The following CLECL1 variants were observed in gnomAD, a reference collection of about 807,000 sequenced individuals.
CLECL1 encodes the protein C-type lectin like 1, also known as C-type lectin-like domain family 1.
intron 1 of CLECL1, among the ~76,000 whole-genome samples, chr12:9,730,835 A>G (rs970398789): frequency 1.3e-5 from 2 of 152,054 alleles, no homozygotes; most frequent in Non-Finnish European, 2.9e-5. Context: ...GAATACAGGC[A>G]CGTGTCACCA....
downstream of CLECL1, among the ~76,000 whole-genome samples, chr12:9,715,130 T>A (rs1866225145): frequency 6.6e-6 from 1 of 152,190 alleles, no homozygotes; most frequent in African/African-American, 2.4e-5. Context: ...TTTTTTATCT[T>A]CTTTCTAAGT....
intron 2 of CLECL1, among the ~76,000 whole-genome samples, chr12:9,729,507 C>T (rs773514389): frequency 6.6e-6 from 1 of 152,048 alleles, no homozygotes; most frequent in African/African-American, 2.4e-5. Flanking sequence ...TGTTTAGGAA[C>T]CATTTAAATA....
chr12:9,722,932 A>T, intron 3 of CLECL1, 119 bp from the exon 2 acceptor site: 1 of 661,116 alleles, frequency 1.5e-6, no homozygotes, highest in Non-Finnish European at 2.4e-6. Flanking sequence ...TGAAAAAAGT[A>T]TGTGCTTTGT....
downstream of CLECL1, chr12:9,722,510 C>T: frequency 7.4e-7 from 1 of 1,350,106 alleles, no homozygotes; most frequent in Non-Finnish European, 9.5e-7. Context: ...TTCAACAATT[C>T]ATTCAACTAA....
the CLECL1 span, among the ~76,000 whole-genome samples, chr12:9,708,044 C>T: frequency 6.6e-6 from 1 of 152,174 alleles, no homozygotes; most frequent in African/African-American, 2.4e-5. Flanking sequence ...CCTGGGTGTG[C>T]CCACAGCAGG....
intron 3 of CLECL1, among the ~76,000 whole-genome samples, chr12:9,725,907 T>G (rs1591718521): frequency 6.6e-6 from 1 of 152,154 alleles, no homozygotes; most frequent in Non-Finnish European, 1.5e-5. Flanking sequence ...GCTGAGATTC[T>G]AAGAATAAGC....
intron 2 of CLECL1, among the ~76,000 whole-genome samples, chr12:9,727,815 A>G (rs1465247600): frequency 6.6e-6 from 1 of 151,838 alleles, no homozygotes; most frequent in East Asian, 1.9e-4. Flanking sequence ...AGAGAAAAAC[A>G]TAACTACTCT....
At chr12:9,712,947 G>A (rs1458550199), downstream of CLECL1, among the ~76,000 whole-genome samples, 5 of 152,128 alleles carry the variant, frequency 3.3e-5, no homozygotes, top group African/African-American at 7.2e-5. Flanking sequence ...AGGATGAGCC[G>A]CAGACAAAAC....
At chr12:9,722,892 A>G in intron 3 of CLECL1, 79 bp from the exon 2 acceptor site, 1 of 1,040,148 alleles carries the variant, frequency 9.6e-7, no homozygotes, top group Non-Finnish European at 1.4e-6. Flanking sequence ...AGGGTCTCAA[A>G]TTTGGTTATA....
At chr12:9,709,941 C>T in the CLECL1 span, among the ~76,000 whole-genome samples, 7 of 152,120 alleles carry the variant, frequency 4.6e-5, no homozygotes, top group Admixed American at 2.6e-4. Context: ...AGAGGAAATA[C>T]GCAAAAGAGC....
At chr12:9,733,460 A>G (rs1866479694), upstream of CLECL1, among the ~76,000 whole-genome samples, 1 of 152,206 alleles carries the variant, frequency 6.6e-6, no homozygotes, top group Non-Finnish European at 1.5e-5. Context: ...GGGAAACAGA[A>G]CAAGAAAAAG....
the CLECL1 span, among the ~76,000 whole-genome samples, chr12:9,707,953 A>G: frequency 2.0e-4 from 30 of 152,194 alleles, no homozygotes; most frequent in Non-Finnish European, 4.0e-4. Context: ...TGGAGGTGCC[A>G]TGTATGCCTC....
chr12:9,719,524 TCAAAAA>T (rs1370301510), downstream of CLECL1, among the ~76,000 whole-genome samples: 1 of 152,032 alleles, frequency 6.6e-6, no homozygotes, highest in Non-Finnish European at 1.5e-5. Flanking sequence ...AGACTTTGTC[TCAAAAA>T]CAAAAACAAA....
downstream of CLECL1, among the ~76,000 whole-genome samples, chr12:9,710,891 T>A (rs193017402): frequency 2.6e-5 from 4 of 152,282 alleles, no homozygotes; most frequent in African/African-American, 9.6e-5. Flanking sequence ...CTATTTCCAC[T>A]CAATAAAACC....
downstream of CLECL1, among the ~76,000 whole-genome samples, chr12:9,722,037 G>T (rs1736289362): frequency 6.6e-6 from 1 of 152,174 alleles, no homozygotes; most frequent in South Asian, 2.1e-4. Flanking sequence ...CACAGGGTTT[G>T]CAGAAACTGA....
chr12:9,714,170 A>G (rs1474036616), downstream of CLECL1, among the ~76,000 whole-genome samples: 1 of 152,240 alleles, frequency 6.6e-6, no homozygotes, highest in Non-Finnish European at 1.5e-5. Context: ...TTGAGCATGT[A>G]GATGGGGGTT....
At chr12:9,724,733 C>G (rs1242412583) in intron 3 of CLECL1, among the ~76,000 whole-genome samples, 2 of 135,888 alleles carry the variant, frequency 1.5e-5, no homozygotes, top group African/African-American at 5.1e-5. Context: ...AATTGAAGTC[C>G]CAAAACTTAA....
At chr12:9,726,626 T>C (rs770561584) in intron 3 of CLECL1, among the ~76,000 whole-genome samples, 1 of 152,120 alleles carries the variant, frequency 6.6e-6, no homozygotes, top group Non-Finnish European at 1.5e-5. Context: ...CATTTTGTTA[T>C]TTTAAGATAA....
At chr12:9,711,685 T>C (rs1172735662), downstream of CLECL1, among the ~76,000 whole-genome samples, 3 of 152,052 alleles carry the variant, frequency 2.0e-5, no homozygotes, top group Admixed American at 2.0e-4. Flanking sequence ...TCTTTTGTGG[T>C]TCCTTTTCCT....
Sources: gnomAD v4.1 joint callset for allele counts (sites outside exome capture counted in the v4.1 genomes callset) on GRCh38, gnomAD v4.1.1 for gene constraint, MANE v1.5 for transcripts, NCBI Gene and HGNC (gene_info 2026-07-23, HGNC 2026-07-21) for gene names.